Variants in PIK3R5 observed in about 807,000 individuals in gnomAD.
PIK3R5 encodes the protein phosphoinositide 3-kinase regulatory subunit 5.
In PIK3R5, 32 loss-of-function variants were observed where a neutral mutation model predicts 94.9. That is an observed-to-expected ratio of 0.34 (90% CI 0.25 to 0.45). The LOEUF is 0.45. Among genes scored for constraint, PIK3R5 ranks in the 20% least tolerant of loss-of-function variants. PIK3R5 has a pLI of 1.00. For synonymous variants in PIK3R5, 443 were observed against 479.4 expected, an observed-to-expected ratio of 0.92 and a Z score of 0.99; for missense variants, 853 against 1,144.6, an observed-to-expected ratio of 0.75 and a Z score of 3.68.
At position 8,935,883 on chromosome 17, in the gene PIK3R5, T is replaced by C. The variant is rs966397621; in HGVS notation, c.-13-24376A>G. On this transcript the variant is annotated intron_variant, in intron 1 of 18. Coordinates refer to ENST00000447110, the MANE Select transcript of PIK3R5 (RefSeq NM_001142633.3). This position sits in a 1 kb window ranked among gnomAD's most constrained non-coding sequence, Gnocchi z 4.5. Reference sequence around the variant, plus strand: ...TACTGGCTAACGCAGTGAAACCCGATCTCTACTAAAAATACAAAAAATTAG... The same window carrying C: ...TACTGGCTAACGCAGTGAAACCCGACCTCTACTAAAAATACAAAAAATTAG... Among the ~76,000 whole-genome samples, 1 of 151,810 alleles carries C rather than the reference T, an allele frequency of 6.6e-6. No individual in the cohort carries two copies. The highest frequency in any genetic ancestry group is 2.4e-5 in the African/African-American group (1 of 41,296).
intron 5 of PIK3R5, among the ~76,000 whole-genome samples, chr17:8,903,270 T>C (rs1008158640): frequency 5.3e-5 from 8 of 151,830 alleles, no homozygotes; most frequent in Non-Finnish European, 1.2e-4. Context: ...TATAATTTTG[T>C]ATATTTAATA....
chr17:8,915,007 G>C lies in PIK3R5; in HGVS notation c.-13-3500C>G, dbSNP rs549360528. On this transcript the variant is annotated intron_variant, in intron 1 of 18. Coordinates refer to ENST00000447110, the MANE Select transcript of PIK3R5 (RefSeq NM_001142633.3). ...ACACAGCTAGGAGATGGCAAAGCCA[G>C]GGTATAAACCCAGGGGGTCTGGGGT... is the stretch of plus-strand genomic sequence containing the variant. Among the ~76,000 whole-genome samples the C allele has an allele frequency of 4.6e-5, 7 of 152,366 alleles. 1 individual carries two copies. Among genetic ancestry groups the C allele is most frequent in the African/African-American group, 1.7e-4 (7 of 41,586 alleles).
Position 8,889,953 on chromosome 17 carries a change from C to T in PIK3R5, c.811+20G>A, listed in dbSNP as rs1185542498. 3 of 1,612,314 alleles carry T rather than the reference C, an allele frequency of 1.9e-6. No homozygotes were observed. Among genetic ancestry groups the T allele is most frequent in the South Asian group, 2.2e-5 (2 of 91,036 alleles). ...GGCCATGGGGAATGTGGGAGAACCCCATTCTCCCAAGAGCCTCACCTAACA... is the reference window on the plus strand; with the variant it reads ...GGCCATGGGGAATGTGGGAGAACCCTATTCTCCCAAGAGCCTCACCTAACA... On this transcript the variant is annotated intron_variant, in intron 8 of 18. Transcript: ENST00000447110. This position sits in a 1 kb window ranked among gnomAD's most constrained non-coding sequence, Gnocchi z 4.1.
At position 8,911,067 on chromosome 17, in the gene PIK3R5, C is replaced by T. The variant is rs1567650264; in HGVS notation, c.103+325G>A. Among the ~76,000 whole-genome samples, 1 of 152,286 alleles carries T rather than the reference C, an allele frequency of 6.6e-6. No homozygotes were observed. Among genetic ancestry groups the T allele is most frequent in the East Asian group, 1.9e-4 (1 of 5,188 alleles). ...ACAGGAGAATTCTGGGGAGAGCTGC[C>T]TGTGAATTCCCAGCTGCTTTTTCAG... On this transcript the variant is annotated intron_variant, in intron 2 of 18. Coordinates refer to ENST00000447110, the MANE Select transcript of PIK3R5 (RefSeq NM_001142633.3). The surrounding 1 kb of genome is among the most constrained non-coding windows in gnomAD (Gnocchi z 5.3).
At position 8,888,144 on chromosome 17, in the gene PIK3R5, A is replaced by C. The variant is rs2089923476; in HGVS notation, c.1616+27T>G. On this transcript the variant is annotated intron_variant, in intron 10 of 18. Coordinates refer to ENST00000447110, the MANE Select transcript of PIK3R5 (RefSeq NM_001142633.3). The surrounding 1 kb of genome is among the most constrained non-coding windows in gnomAD (Gnocchi z 7.8). ...ACAACAACCCTGTTACCCAGGGCAG[A>C]GGGATGCTCCGCATTACGGCTCTTA... 3.7e-6 allele frequency: 6 copies of C among 1,611,084 alleles called. No homozygotes were observed. The highest frequency in any genetic ancestry group is 5.1e-6 in the Non-Finnish European group (6 of 1,178,274).
intron 1 of PIK3R5, among the ~76,000 whole-genome samples, chr17:8,917,346 C>T (rs1939558181): frequency 6.6e-6 from 1 of 152,088 alleles, no homozygotes. Flanking sequence ...AATATGGGGG[C>T]AGGGGACCAA....
At chr17:8,901,488 G>A (rs1319992938) in intron 5 of PIK3R5, among the ~76,000 whole-genome samples, 1 of 152,204 alleles carries the variant, frequency 6.6e-6, no homozygotes, top group African/African-American at 2.4e-5. Flanking sequence ...CAGGTAACTG[G>A]TTGGGTAGGA....
chr17:8,927,195 C>T (rs916700191), intron 1 of PIK3R5, among the ~76,000 whole-genome samples: 8 of 152,224 alleles, frequency 5.3e-5, no homozygotes, highest in Non-Finnish European at 1.2e-4. Context: ...CTCACAAAAG[C>T]CTGCTCTCTC....
At chr17:8,954,149 G>T (rs2091427276) in intron 1 of PIK3R5, among the ~76,000 whole-genome samples, 1 of 152,230 alleles carries the variant, frequency 6.6e-6, no homozygotes, top group South Asian at 2.1e-4. Context: ...GCTTGGGAGT[G>T]AGAAAAGGAA....
rs1329160522 is a variant in PIK3R5 at position 8,892,816 on chromosome 17, G to A, written c.482+770C>T. Among the ~76,000 whole-genome samples the A allele has an allele frequency of 2.0e-5, 3 of 152,270 alleles. No homozygotes were observed. Among genetic ancestry groups the A allele is most frequent in the South Asian group, 2.1e-4 (1 of 4,824 alleles). On this transcript the variant is annotated intron_variant, in intron 6 of 18. Coordinates refer to ENST00000447110, the MANE Select transcript of PIK3R5 (RefSeq NM_001142633.3). The surrounding 1 kb of genome is among the most constrained non-coding windows in gnomAD (Gnocchi z 4.3). ...CCGGGGGCCTATAATTTCTGAGGTGGTGAAGGCCGGGGTCCCTGGGCTCCC... is the reference window on the plus strand; with the variant it reads ...CCGGGGGCCTATAATTTCTGAGGTGATGAAGGCCGGGGTCCCTGGGCTCCC...
In PIK3R5 at chr17:8,893,208, G is replaced by A. The variant is rs1411937271; in HGVS notation, c.482+378C>T. The stretch of plus-strand genomic sequence containing the variant: ...GGAAATATCATGGGCTTCTGAATAA[G>A]CCTGAGGGTTAAATTCTGGCTCGTA... On this transcript the variant is annotated intron_variant, in intron 6 of 18. Coordinates refer to ENST00000447110, the MANE Select transcript of PIK3R5 (RefSeq NM_001142633.3). The surrounding 1 kb of genome is among the most constrained non-coding windows in gnomAD (Gnocchi z 5.1). Among the ~76,000 whole-genome samples the A allele has an allele frequency of 1.3e-5, 2 of 152,104 alleles. No homozygotes were observed. The highest frequency in any genetic ancestry group is 6.5e-5 in the Admixed American group (1 of 15,274).
rs763464528 is a variant in PIK3R5 at position 8,881,668 on chromosome 17, TCAC to T, written c.2341_2343del (p.Val781del). ...TTCTTGGATTTGGAGTTCTGCCTTT[TCAC>T]CACTTCTGTCAGGTTTAGCGTCAGG... On this transcript the variant is annotated inframe_deletion, in exon 17 of 19. Coordinates refer to ENST00000447110, the MANE Select transcript of PIK3R5 (RefSeq NM_001142633.3). The surrounding 1 kb of genome is among the most constrained non-coding windows in gnomAD (Gnocchi z 4.8). The T allele has an allele frequency of 1.2e-6, 2 of 1,613,852 alleles. No homozygotes were observed. The highest frequency in any genetic ancestry group is 1.3e-5 in the African/African-American group (1 of 75,030).
rs754331492 is a variant in PIK3R5, at chr17:8,955,756, G to A, written c.-14+9840C>T. On this transcript the variant is annotated intron_variant, in intron 1 of 18. Coordinates refer to ENST00000447110, the MANE Select transcript of PIK3R5 (RefSeq NM_001142633.3). This position sits in a 1 kb window ranked among gnomAD's most constrained non-coding sequence, Gnocchi z 4.4. ...AACAAGGAAGATGGAGGGAGGACTC[G>A]GAGATGAGTCCAAGGTTTCAAGGCT... is the stretch of plus-strand genomic sequence containing the variant. Among the ~76,000 whole-genome samples, 11 of 152,150 alleles carry A rather than the reference G, an allele frequency of 7.2e-5. No homozygotes were observed. Among genetic ancestry groups the A allele is most frequent in the Non-Finnish European group, 1.0e-4 (7 of 68,032 alleles).
chr17:8,906,548 T>C (rs2151403421), intron 3 of PIK3R5, among the ~76,000 whole-genome samples: 1 of 152,332 alleles, frequency 6.6e-6, no homozygotes, highest in Admixed American at 6.5e-5. Flanking sequence ...TAAATATTCA[T>C]ATATACTTTC....
Position 8,893,566 on chromosome 17 carries a change from C to T in PIK3R5, c.482+20G>A, listed in dbSNP as rs1283972679. On this transcript the variant is annotated intron_variant, in intron 6 of 18. Transcript: ENST00000447110. This position sits in a 1 kb window ranked among gnomAD's most constrained non-coding sequence, Gnocchi z 5.1. ...CCAAACTCCCTCCCCACTGTTTCTCCGTCCCCCAAGAGCACTCACACGGTG... is the reference window on the plus strand; with the variant it reads ...CCAAACTCCCTCCCCACTGTTTCTCTGTCCCCCAAGAGCACTCACACGGTG... 7 of 1,605,138 alleles carry T rather than the reference C, an allele frequency of 4.4e-6. No individual in the cohort carries two copies. The highest frequency in any genetic ancestry group is 1.7e-5 in the Admixed American group (1 of 59,980).
At chr17:8,943,436 C>T (rs181227750) in intron 1 of PIK3R5, among the ~76,000 whole-genome samples, 7 of 151,812 alleles carry the variant, frequency 4.6e-5, no homozygotes, top group South Asian at 2.1e-4. Flanking sequence ...TTAGCAATTT[C>T]GTGGGGTTCA....
In PIK3R5 at chr17:8,925,550, GGATA is replaced by G. The variant is rs1051939470; in HGVS notation, c.-13-14047_-13-14044del. ...GATAGATAGTAGATAGATAGTAGAT[GGATA>G]GATAGATAGATAGAGAAAAAAGGAA... On this transcript the variant is annotated intron_variant, in intron 1 of 18. Transcript: ENST00000447110. This position sits in a 1 kb window ranked among gnomAD's most constrained non-coding sequence, Gnocchi z 5.1. Among the ~76,000 whole-genome samples, 21 of 152,146 alleles carry G rather than the reference GGATA, an allele frequency of 1.4e-4. 1 individual carries two copies. In the South Asian group the frequency reaches 1.5e-3, roughly 11 times the overall value.
chr17:8,895,263 T>C (rs1036331270), intron 5 of PIK3R5, among the ~76,000 whole-genome samples: 28 of 152,060 alleles, frequency 1.8e-4, no homozygotes, highest in African/African-American at 6.8e-4. Context: ...ATACGCAAAA[T>C]CTTCTCTTGA....
chr17:8,916,586 C>G (rs982042778), intron 1 of PIK3R5: 7 of 151,788 alleles, frequency 4.6e-5, no homozygotes, highest in South Asian at 2.1e-4. Context: ...TCTGAGCCAG[C>G]AAAGAGGACT....
Sources: allele counts gnomAD v4.1 joint callset (sites outside exome capture counted in the v4.1 genomes callset), GRCh38; gene constraint gnomAD v4.1.1; non-coding constraint Gnocchi (gnomAD v3.1); transcripts MANE v1.5; gene names NCBI Gene and HGNC (gene_info 2026-07-23, HGNC 2026-07-21).